PGR: variants seen among roughly 807,000 people sequenced by gnomAD.
The protein encoded by PGR is progesterone receptor.
In PGR, 25 loss-of-function variants were observed where a neutral mutation model predicts 76.1. The ratio of observed to expected loss-of-function variants is 0.33; its 90% CI spans 0.24 to 0.46. The LOEUF (loss-of-function observed/expected upper bound fraction) is 0.46, where lower values mean the gene tolerates loss of function less well. PGR is among the 20% of genes least tolerant of loss of function. The pLI, the probability that PGR is intolerant of heterozygous loss-of-function variation, is 1.00. For synonymous variants in PGR, 579 were observed against 535.0 expected (o/e 1.08, Z -1.14); for missense variants, 1,172 against 1,225.3 (o/e 0.96, Z 0.65).
At chr11:101,066,110 T>C (rs1055548867) in intron 3 of PGR, among the ~76,000 whole-genome samples, 1 of 152,192 alleles carries the variant, frequency 6.6e-6, no homozygotes, top group Admixed American at 6.5e-5. Flanking sequence ...CTCTCACACA[T>C]AATGTATTCC....
At chr11:101,099,083 T>G (rs1425536800) in intron 2 of PGR, among the ~76,000 whole-genome samples, 1 of 152,182 alleles carries the variant, frequency 6.6e-6, no homozygotes, top group Non-Finnish European at 1.5e-5. Context: ...GGGACAGGTG[T>G]GTCCACATGC....
In PGR at chr11:101,039,061, C is replaced by T. The variant is rs1859606994; in HGVS notation, c.*55G>A. 1 of 1,447,128 alleles carries T rather than the reference C, an allele frequency of 6.9e-7. No individual in the cohort carries two copies. The allele number at this position is 1,447,128 out of a possible 1,614,324, so 89.6% of individuals were successfully genotyped here. A position where few individuals can be genotyped will look rare whatever the true frequency, so the allele number is the denominator to read the frequency against. ...AAAACTCAAGACCTCATAATCCTGA[C>T]CAAAACAAAAAGACATACCACAAAA... On this transcript the variant is annotated 3_prime_UTR_variant, in exon 8 of 8. Coordinates refer to ENST00000325455, the MANE Select transcript of PGR (RefSeq NM_000926.4).
At chr11:101,098,811 A>G (rs1308710961) in intron 2 of PGR, among the ~76,000 whole-genome samples, 1 of 152,240 alleles carries the variant, frequency 6.6e-6, no homozygotes, top group Non-Finnish European at 1.5e-5. Context: ...AGAACCTTAA[A>G]AGACTGCCTT....
Position 101,100,884 on chromosome 11 carries a change from G to C in PGR, c.1790-9008C>G, listed in dbSNP as rs148665195. 2.5e-3 allele frequency among the ~76,000 whole-genome samples: 385 copies of C among 152,224 alleles called. 2 individuals are homozygous for C. The highest frequency in any genetic ancestry group is 9.0e-3 in the African/African-American group (374 of 41,550). ...AATTATGTGGCCCAATAGGTCAATA[G>C]TGTGAGGTTGAGAAATCATGGTATA... is the stretch of plus-strand genomic sequence containing the variant. On this transcript the variant is annotated intron_variant, in intron 2 of 7. Coordinates refer to ENST00000325455, the MANE Select transcript of PGR (RefSeq NM_000926.4).
chr11:101,034,851 C>T lies in PGR; in HGVS notation c.*4265G>A, dbSNP rs1190600395. The T allele has an allele frequency of 1.1e-5, 2 of 179,988 alleles. No homozygotes were observed. The highest frequency in any genetic ancestry group is 4.7e-5 in the African/African-American group (2 of 42,288). The allele number at this position is 179,988 out of a possible 1,614,324, so 11.1% of individuals were successfully genotyped here. A position where few individuals can be genotyped will look rare whatever the true frequency, so the allele number is the denominator to read the frequency against. ...TGTTCAATTTTGTATTTAGTAAGGA[C>T]CATAGAGTGTGGAATAATGGTACAT... is the stretch of plus-strand genomic sequence containing the variant. On this transcript the variant is annotated 3_prime_UTR_variant, in exon 8 of 8. Transcript: ENST00000325455.
chr11:101,112,819 T>A (rs1862382844), intron 2 of PGR, among the ~76,000 whole-genome samples: 1 of 152,170 alleles, frequency 6.6e-6, no homozygotes, highest in South Asian at 2.1e-4. Context: ...CACTAGATAA[T>A]GAATAAGAGG....
chr11:101,090,381 A>C (rs1246489561), intron 3 of PGR, among the ~76,000 whole-genome samples: 1 of 152,238 alleles, frequency 6.6e-6, no homozygotes, highest in Non-Finnish European at 1.5e-5. Context: ...TCTTAATGGA[A>C]TCTAAGTGTC....
chr11:101,116,497 T>C (rs1056718443), intron 2 of PGR, among the ~76,000 whole-genome samples: 2 of 152,092 alleles, frequency 1.3e-5, no homozygotes, highest in Non-Finnish European at 2.9e-5. Flanking sequence ...CCCAACACTT[T>C]GGGAGGCCAA....
intron 2 of PGR, among the ~76,000 whole-genome samples, chr11:101,105,633 G>A (rs1435271476): frequency 2.6e-5 from 4 of 151,756 alleles, no homozygotes; most frequent in Non-Finnish European, 4.4e-5. Context: ...AATCAATGTA[G>A]TGAAAATGGC....
chr11:101,043,384 T>C (rs973638427), intron 6 of PGR, among the ~76,000 whole-genome samples: 2 of 152,200 alleles, frequency 1.3e-5, no homozygotes, highest in African/African-American at 2.4e-5. Context: ...TTTAGTTCTC[T>C]TGCTCTTTTC....
chr11:101,049,820 T>C (rs1177902397), intron 6 of PGR, 109 bp downstream of exon 6: 2 of 838,692 alleles, frequency 2.4e-6, no homozygotes, highest in East Asian at 2.6e-5. Context: ...TTTATACTTA[T>C]AATCCAAGAC....
At chr11:101,105,587 C>A (rs1444307301) in intron 2 of PGR, among the ~76,000 whole-genome samples, 1 of 145,042 alleles carries the variant, frequency 6.9e-6, no homozygotes, top group East Asian at 2.0e-4. Flanking sequence ...AGGACACAAA[C>A]AAATGGAAAA....
intron 4 of PGR, among the ~76,000 whole-genome samples, chr11:101,060,861 C>T (rs1325583252): frequency 6.6e-6 from 1 of 152,264 alleles, no homozygotes; most frequent in African/African-American, 2.4e-5. Flanking sequence ...TCTCTCATTC[C>T]TTTTTGTGGT....
intron 4 of PGR, among the ~76,000 whole-genome samples, chr11:101,057,412 C>A (rs1313458019): frequency 1.3e-5 from 2 of 152,096 alleles, no homozygotes; most frequent in Non-Finnish European, 2.9e-5. Flanking sequence ...ATTAACACTG[C>A]AAATTCAGGA....
At chr11:101,082,253 G>A (rs1367043316) in intron 3 of PGR, among the ~76,000 whole-genome samples, 1 of 152,200 alleles carries the variant, frequency 6.6e-6, no homozygotes, top group Non-Finnish European at 1.5e-5. Flanking sequence ...AGAACTGTGA[G>A]TCAGTTAAAG....
At chr11:101,103,298 G>C (rs1037464268) in intron 2 of PGR, among the ~76,000 whole-genome samples, 15 of 151,980 alleles carry the variant, frequency 9.9e-5, no homozygotes, top group Non-Finnish European at 1.6e-4. Context: ...ATAGTCTTTG[G>C]ACTGGAATCT....
At chr11:101,047,352 A>C (rs1221399800) in intron 6 of PGR, among the ~76,000 whole-genome samples, 1 of 152,188 alleles carries the variant, frequency 6.6e-6, no homozygotes, top group Non-Finnish European at 1.5e-5. Flanking sequence ...TCATTCCTTC[A>C]TGCAAAGAAG....
intron 3 of PGR, among the ~76,000 whole-genome samples, chr11:101,087,032 T>C (rs578210410): frequency 2.0e-5 from 3 of 152,336 alleles, no homozygotes; most frequent in Non-Finnish European, 4.4e-5. Flanking sequence ...ACAGATTCAA[T>C]GTTATTCCTA....
At chr11:101,052,572 G>T (rs1860134549) in intron 4 of PGR, among the ~76,000 whole-genome samples, 1 of 152,098 alleles carries the variant, frequency 6.6e-6, no homozygotes, top group African/African-American at 2.4e-5. Flanking sequence ...AGTCTATTAA[G>T]GAGCAATGGG....
Sources: gnomAD v4.1 joint callset for allele counts (sites outside exome capture counted in the v4.1 genomes callset) on GRCh38, gnomAD v4.1.1 for gene constraint, MANE v1.5 for transcripts, NCBI Gene and HGNC (gene_info 2026-07-23, HGNC 2026-07-21) for gene names.